The following SUGCT variants were observed in gnomAD, a reference collection of about 807,000 sequenced individuals.
SUGCT encodes succinyl-CoA:glutarate CoA-transferase.
Under a neutral mutation model 55.0 loss-of-function variants are expected in SUGCT, and 41 were observed. The ratio of observed to expected loss-of-function variants is 0.74; its 90% CI spans 0.58 to 0.97. The LOEUF (loss-of-function observed/expected upper bound fraction) is 0.97. Among genes scored for constraint, SUGCT ranks in the 50% least tolerant of loss-of-function variants. SUGCT has a pLI of 0.00. For synonymous variants in SUGCT, 187 were observed against 200.4 expected (o/e 0.93, Z 0.56); for missense variants, 568 against 547.8 (o/e 1.04, Z -0.37).
chr7:40,720,496 C>G (rs1447167476), intron 12 of SUGCT, among the ~76,000 whole-genome samples: 1 of 152,130 alleles, frequency 6.6e-6, no homozygotes, highest in Non-Finnish European at 1.5e-5. Flanking sequence ...CCTCTGTAGA[C>G]TCTTCCCCAA....
chr7:40,340,326 C>T (rs1796974959), intron 9 of SUGCT, among the ~76,000 whole-genome samples: 1 of 151,856 alleles, frequency 6.6e-6, no homozygotes, highest in Admixed American at 6.6e-5. Flanking sequence ...TAATAAGGCT[C>T]ACAACTCAAT....
intron 12 of SUGCT, among the ~76,000 whole-genome samples, chr7:40,629,923 G>C (rs1297780240): frequency 6.6e-6 from 1 of 152,168 alleles, no homozygotes; most frequent in East Asian, 1.9e-4. Flanking sequence ...TACAGGGTTT[G>C]AAAGGAGACA....
the SUGCT span, among the ~76,000 whole-genome samples, chr7:40,995,392 T>TTATTAG: frequency 4.0e-5 from 6 of 149,456 alleles, no homozygotes; most frequent in Admixed American, 4.0e-4. Flanking sequence ...GTTATTATTA[T>TTATTAG]TATTATTATT....
At chr7:40,565,264 C>T (rs1796062181) in intron 12 of SUGCT, among the ~76,000 whole-genome samples, 2 of 152,160 alleles carry the variant, frequency 1.3e-5, no homozygotes, top group African/African-American at 4.8e-5. Flanking sequence ...TAGGAAACCT[C>T]CTTTCTGTTG....
At chr7:40,375,502 G>T (rs903964215) in intron 9 of SUGCT, among the ~76,000 whole-genome samples, 1 of 152,050 alleles carries the variant, frequency 6.6e-6, no homozygotes, top group Non-Finnish European at 1.5e-5. Flanking sequence ...CCATCTCATG[G>T]CCTTGGCACA....
intron 13 of SUGCT, among the ~76,000 whole-genome samples, chr7:40,821,398 CT>C (rs1007787355): frequency 1.3e-4 from 20 of 152,004 alleles, no homozygotes; most frequent in African/African-American, 4.6e-4. Context: ...TGGTCCTGGA[CT>C]TTTTTTGGTT....
the SUGCT span, among the ~76,000 whole-genome samples, chr7:40,957,960 T>C: frequency 2.0e-5 from 3 of 152,172 alleles, no homozygotes; most frequent in African/African-American, 7.2e-5. Flanking sequence ...GGGTTGAAAA[T>C]TCTTTTCTTT....
chr7:40,530,022 C>A (rs371897521), intron 12 of SUGCT, among the ~76,000 whole-genome samples: 1 of 152,232 alleles, frequency 6.6e-6, no homozygotes, highest in East Asian at 1.9e-4. Flanking sequence ...TTGCTCACCT[C>A]TTTCCAATTT....
chr7:40,759,286 G>A (rs1788418494), intron 13 of SUGCT, among the ~76,000 whole-genome samples: 1 of 152,098 alleles, frequency 6.6e-6, no homozygotes, highest in Non-Finnish European at 1.5e-5. Context: ...TCACTGTGCT[G>A]CATTTAACTA....
chr7:40,249,365 AT>A (rs1439878693), intron 7 of SUGCT, among the ~76,000 whole-genome samples: 11 of 139,824 alleles, frequency 7.9e-5, no homozygotes, highest in African/African-American at 2.4e-4. Context: ...TATATAGAAT[AT>A]ATTATATACA....
At chr7:40,258,625 C>T (rs1290603696) in intron 7 of SUGCT, among the ~76,000 whole-genome samples, 1 of 152,222 alleles carries the variant, frequency 6.6e-6, no homozygotes, top group Non-Finnish European at 1.5e-5. Context: ...GATCCACCTG[C>T]CTTGGCCTCC....
chr7:40,375,190 G>A (rs1271229689), intron 9 of SUGCT, among the ~76,000 whole-genome samples: 1 of 152,194 alleles, frequency 6.6e-6, no homozygotes, highest in Non-Finnish European at 1.5e-5. Flanking sequence ...GAGTGTTGCT[G>A]TGAATACTGG....
In SUGCT at chr7:40,794,111, T is replaced by C. The variant is rs562532634; in HGVS notation, c.1153+44614T>C. On this transcript the variant is annotated intron_variant, in intron 13 of 13. Transcript: ENST00000335693. ...GCTGAACTATTTAAGGATCTGATTC[T>C]TTCATTTATTTGTTTTGCTTTCTCT... Among the ~76,000 whole-genome samples, 300 of 152,306 alleles carry C rather than the reference T, an allele frequency of 2.0e-3. 1 individual carries two copies. Among genetic ancestry groups the C allele is most frequent in the Non-Finnish European group, 3.2e-3 (218 of 67,994 alleles).
the SUGCT span, among the ~76,000 whole-genome samples, chr7:40,899,487 C>A: frequency 6.6e-6 from 1 of 152,054 alleles, no homozygotes; most frequent in Non-Finnish European, 1.5e-5. Context: ...CAAGAGGCAA[C>A]GCACACGCTG....
chr7:40,616,743 C>G (rs1461372666), intron 12 of SUGCT, among the ~76,000 whole-genome samples: 2 of 152,154 alleles, frequency 1.3e-5, no homozygotes, highest in Admixed American at 6.5e-5. Context: ...TGTTGGGGAA[C>G]AGTCTTCAAT....
chr7:40,476,831 T>C (rs1790716223), intron 11 of SUGCT, among the ~76,000 whole-genome samples: 3 of 151,550 alleles, frequency 2.0e-5, no homozygotes, highest in East Asian at 3.9e-4. Flanking sequence ...ACAGTCTCAC[T>C]CTGTTGCCAA....
chr7:40,610,913 G>A (rs915696685), intron 12 of SUGCT, among the ~76,000 whole-genome samples: 1 of 152,164 alleles, frequency 6.6e-6, no homozygotes, highest in African/African-American at 2.4e-5. Context: ...CAAAGCAACT[G>A]AATGTGTGTC....
At chr7:40,364,283 G>A (rs1013584447) in intron 9 of SUGCT, among the ~76,000 whole-genome samples, 3 of 152,004 alleles carry the variant, frequency 2.0e-5, no homozygotes, top group African/African-American at 7.2e-5. Flanking sequence ...GCCAGTCTGT[G>A]TCTTTTAATT....
the SUGCT span, among the ~76,000 whole-genome samples, chr7:41,010,222 C>G: frequency 6.6e-6 from 1 of 152,220 alleles, no homozygotes; most frequent in Non-Finnish European, 1.5e-5. Flanking sequence ...TGCTTGTTCA[C>G]AGTGGAGCCC....
Sources: gnomAD v4.1 joint callset for allele counts (sites outside exome capture counted in the v4.1 genomes callset) on GRCh38, gnomAD v4.1.1 for gene constraint, MANE v1.5 for transcripts, NCBI Gene and HGNC (gene_info 2026-07-23, HGNC 2026-07-21) for gene names.